The following GPC5 variants were observed in gnomAD, a reference collection of about 807,000 sequenced individuals.
GPC5 encodes glypican-5.
GPC5 carries 47 observed loss-of-function variants against 53.9 expected under a neutral mutation model. The ratio of observed to expected loss-of-function variants is 0.87; its 90% CI spans 0.69 to 1.11. The LOEUF is 1.11. Ranked by LOEUF, GPC5 falls within the 50% of genes most tolerant of loss-of-function variation. The pLI is 0.00. For missense variants in GPC5, 748 were observed against 713.1 expected (o/e 1.05, Z -0.56); for synonymous variants, 286 against 263.3 (o/e 1.09, Z -0.84).
intron 7 of GPC5, among the ~76,000 whole-genome samples, chr13:92,822,125 AAAT>A: frequency 6.6e-6 from 1 of 152,264 alleles, no homozygotes; most frequent in East Asian, 1.9e-4. Flanking sequence ...TAATTACCTC[AAAT>A]AATTATTACA....
At chr13:92,827,141 T>C (rs1377059171) in intron 7 of GPC5, among the ~76,000 whole-genome samples, 2 of 152,008 alleles carry the variant, frequency 1.3e-5, no homozygotes, top group Admixed American at 6.6e-5. Flanking sequence ...CTAAAAATCA[T>C]GTGGGGGAGA....
At chr13:92,778,159 A>C (rs955023873) in intron 7 of GPC5, among the ~76,000 whole-genome samples, 1 of 152,224 alleles carries the variant, frequency 6.6e-6, no homozygotes, top group Non-Finnish European at 1.5e-5. Context: ...TTTTTCACAA[A>C]TGTTTTGTTC....
intron 2 of GPC5, among the ~76,000 whole-genome samples, chr13:91,490,605 T>C (rs1048437343): frequency 1.3e-5 from 2 of 152,228 alleles, no homozygotes; most frequent in Non-Finnish European, 2.9e-5. Context: ...GCTGGTGTTA[T>C]GACCCAACTT....
chr13:91,682,739 C>T (rs1456835672), intron 2 of GPC5, among the ~76,000 whole-genome samples: 1 of 152,176 alleles, frequency 6.6e-6, no homozygotes, highest in East Asian at 1.9e-4. Context: ...TCACTAGTCA[C>T]CATGCTGCAT....
At chr13:91,805,724 T>C (rs1022823778) in intron 5 of GPC5, among the ~76,000 whole-genome samples, 6 of 152,200 alleles carry the variant, frequency 3.9e-5, no homozygotes, top group Non-Finnish European at 8.8e-5. Flanking sequence ...AAATCTGACC[T>C]GGACATACTT....
At chr13:91,957,488 A>G (rs527286474) in intron 6 of GPC5, among the ~76,000 whole-genome samples, 1 of 152,296 alleles carries the variant, frequency 6.6e-6, no homozygotes, top group South Asian at 2.1e-4. Context: ...CCCCAAATAC[A>G]TACAATTCAA....
intron 7 of GPC5, among the ~76,000 whole-genome samples, chr13:92,514,425 C>T (rs1880693007): frequency 6.6e-6 from 1 of 152,012 alleles, no homozygotes; most frequent in African/African-American, 2.4e-5. Context: ...CTGTGTTCAG[C>T]CCAGAAAATT....
rs549713100 is a variant in GPC5 at position 91,813,162 on chromosome 13, A to C, written c.1280+56742A>C. Among the ~76,000 whole-genome samples the C allele has an allele frequency of 2.6e-5, 4 of 152,288 alleles. No individual in the cohort carries two copies. In the South Asian group the frequency reaches 8.3e-4, roughly 32 times the overall value. On this transcript the variant is annotated intron_variant, in intron 5 of 7. Transcript: ENST00000377067. The stretch of plus-strand genomic sequence containing the variant: ...TGATCCTTTTGCAGTTACTTGCTGA[A>C]TATTGAAAGGGGCTTTTTTGACACA...
At chr13:91,761,210 C>T (rs1332221266) in intron 5 of GPC5, among the ~76,000 whole-genome samples, 1 of 152,076 alleles carries the variant, frequency 6.6e-6, no homozygotes, top group Non-Finnish European at 1.5e-5. Context: ...TGTAACTGTC[C>T]CTCAGTCTCC....
intron 2 of GPC5, among the ~76,000 whole-genome samples, chr13:91,647,070 CGTGTGTGTGTGTGTGTGTGT>C (rs66824666): frequency 0.17 from 23,983 of 144,088 alleles, 2,188 homozygotes; most frequent in East Asian, 0.3. Context: ...TATATATATG[CGTGTGTGTGTGTGTGTGTGT>C]GTGTGTGTGT....
intron 7 of GPC5, among the ~76,000 whole-genome samples, chr13:92,458,886 A>T (rs2139407336): frequency 6.6e-6 from 1 of 152,272 alleles, no homozygotes; most frequent in Middle Eastern, 3.4e-3. Context: ...AGCTTTCTAA[A>T]CACCTTATGC....
At chr13:91,537,263 A>G (rs187386173) in intron 2 of GPC5, among the ~76,000 whole-genome samples, 261 of 152,236 alleles carry the variant, frequency 1.7e-3, no homozygotes, top group African/African-American at 5.7e-3. Flanking sequence ...TTCTATGAGA[A>G]TATTAACAAC....
intron 5 of GPC5, among the ~76,000 whole-genome samples, chr13:91,904,043 C>T (rs1484169489): frequency 6.6e-6 from 1 of 151,978 alleles, no homozygotes; most frequent in African/African-American, 2.4e-5. Context: ...TTCTTCTCAC[C>T]CTGCCAACAA....
At chr13:92,194,012 T>G (rs2042241189) in intron 7 of GPC5, among the ~76,000 whole-genome samples, 1 of 152,148 alleles carries the variant, frequency 6.6e-6, no homozygotes. Flanking sequence ...GCCTGGCCAA[T>G]AGCAGAAACT....
At chr13:91,757,565 T>C (rs1330042632) in intron 5 of GPC5, among the ~76,000 whole-genome samples, 1 of 152,142 alleles carries the variant, frequency 6.6e-6, no homozygotes, top group Non-Finnish European at 1.5e-5. Context: ...GATCTGATGG[T>C]TTTATACGGG....
chr13:92,833,052 G>A (rs370835048), intron 7 of GPC5, among the ~76,000 whole-genome samples: 1 of 152,016 alleles, frequency 6.6e-6, no homozygotes, highest in East Asian at 1.9e-4. Flanking sequence ...TTAGCACAGT[G>A]AGATACATCT....
intron 7 of GPC5, among the ~76,000 whole-genome samples, chr13:92,231,934 C>T (rs1175802190): frequency 2.0e-5 from 3 of 152,080 alleles, no homozygotes; most frequent in South Asian, 4.2e-4. Context: ...CCACTGCATT[C>T]CAGTCTGGGC....
chr13:92,587,758 C>T (rs1051324246), intron 7 of GPC5, among the ~76,000 whole-genome samples: 13 of 152,094 alleles, frequency 8.5e-5, no homozygotes, highest in African/African-American at 2.2e-4. Flanking sequence ...TGCTCAGCTT[C>T]CTGGGCATTC....
chr13:91,736,977 G>T (rs1207081756), intron 4 of GPC5, among the ~76,000 whole-genome samples: 4 of 146,376 alleles, frequency 2.7e-5, no homozygotes, highest in Non-Finnish European at 3.0e-5. Context: ...TATTATTTTT[G>T]ATGGTAGTCC....
Sources: allele counts gnomAD v4.1 joint callset (sites outside exome capture counted in the v4.1 genomes callset), GRCh38; gene constraint gnomAD v4.1.1; transcripts MANE v1.5; gene names NCBI Gene and HGNC (gene_info 2026-07-23, HGNC 2026-07-21).